The following IL1RAPL1 variants were observed in gnomAD, a reference collection of about 807,000 sequenced individuals.
IL1RAPL1 encodes interleukin 1 receptor accessory protein like 1.
In IL1RAPL1, 3 loss-of-function variants were observed where a neutral mutation model predicts 48.4. The ratio of observed to expected loss-of-function variants is 0.06; its 90% CI spans 0.03 to 0.16. The LOEUF (loss-of-function observed/expected upper bound fraction) is 0.16. Among genes scored for constraint, IL1RAPL1 ranks in the 10% least tolerant of loss-of-function variants. IL1RAPL1 has a pLI of 1.00. For missense variants in IL1RAPL1, 349 were observed against 530.6 expected, an observed-to-expected ratio of 0.66 and a Z score of 3.36; for synonymous variants, 185 against 187.7, an observed-to-expected ratio of 0.99 and a Z score of 0.12.
chrX:29,460,274 A>G (rs1454949765), intron 5 of IL1RAPL1, among the ~76,000 whole-genome samples: 3 of 112,323 alleles, frequency 2.7e-5, no homozygotes, highest in African/African-American at 9.7e-5. Flanking sequence ...TTTAAGTAGC[A>G]GAATCAGCTC....
At chrX:29,458,668 A>G (rs773083394) in intron 5 of IL1RAPL1, among the ~76,000 whole-genome samples, 2 of 111,445 alleles carry the variant, frequency 1.8e-5, no homozygotes, top group Non-Finnish European at 3.8e-5. Context: ...ATGCAGATAT[A>G]ATAATTAGCC....
chrX:29,180,643 G>A (rs892886600), intron 2 of IL1RAPL1, among the ~76,000 whole-genome samples: 6 of 111,027 alleles, frequency 5.4e-5, no homozygotes, highest in African/African-American at 2.0e-4. Flanking sequence ...TCCCGAAATG[G>A]TGGGATTACA....
intron 2 of IL1RAPL1, among the ~76,000 whole-genome samples, chrX:29,243,129 TTC>T (rs1192037885): frequency 8.9e-6 from 1 of 112,304 alleles, no homozygotes; most frequent in Non-Finnish European, 1.9e-5. Flanking sequence ...TCTCCAGTCT[TTC>T]TGTTTAGGCT....
At chrX:28,631,091 C>T (rs73630067) in intron 1 of IL1RAPL1, among the ~76,000 whole-genome samples, 9,206 of 111,409 alleles carry the variant, frequency 0.083, 306 homozygotes, top group African/African-American at 0.13. Context: ...GGGTATGTCA[C>T]TGAGCTAGAC....
chrX:29,753,021 A>G (rs763522458), intron 6 of IL1RAPL1, among the ~76,000 whole-genome samples: 169 of 112,010 alleles, frequency 1.5e-3, no homozygotes, highest in African/African-American at 5.4e-3. Flanking sequence ...TACCTAGTCT[A>G]AATCAAAGTG....
chrX:28,795,791 T>A (rs185350799), intron 2 of IL1RAPL1, among the ~76,000 whole-genome samples: 1 of 110,987 alleles, frequency 9.0e-6, no homozygotes, highest in Admixed American at 9.6e-5. Flanking sequence ...TATATTGTTC[T>A]ATGTATTTGA....
chrX:28,992,486 T>A (rs1925627820), intron 2 of IL1RAPL1, among the ~76,000 whole-genome samples: 1 of 71,264 alleles, frequency 1.4e-5, no homozygotes, highest in Non-Finnish European at 2.5e-5. Flanking sequence ...CGAGACTCTG[T>A]CTCAAAAAAA....
intron 1 of IL1RAPL1, among the ~76,000 whole-genome samples, chrX:28,767,109 A>G (rs1297571384): frequency 9.0e-6 from 1 of 110,643 alleles, no homozygotes; most frequent in Non-Finnish European, 1.9e-5. Context: ...TTTTTTAGGA[A>G]CCTCCAAACT....
chrX:29,802,783 GTGTGTGTGTATATATATATA>G (rs1929965848), intron 6 of IL1RAPL1, among the ~76,000 whole-genome samples: 1 of 19,293 alleles, frequency 5.2e-5, no homozygotes, highest in African/African-American at 2.0e-4. Context: ...ATATATATAT[GTGTGTGTGTATATATATATA>G]TATATATGTG....
At chrX:28,974,232 C>T (rs1338170602) in intron 2 of IL1RAPL1, among the ~76,000 whole-genome samples, 1 of 111,564 alleles carries the variant, frequency 9.0e-6, no homozygotes, top group Non-Finnish European at 1.9e-5. Context: ...TTCTCTTTGA[C>T]ATATGAAAAA....
chrX:29,362,685 C>A (rs998486251), intron 3 of IL1RAPL1, among the ~76,000 whole-genome samples: 1 of 111,807 alleles, frequency 8.9e-6, no homozygotes, highest in Non-Finnish European at 1.9e-5. Flanking sequence ...GTGACCACAG[C>A]ATCAGAAAAC....
intron 2 of IL1RAPL1, among the ~76,000 whole-genome samples, chrX:28,947,153 T>G (rs1393835515): frequency 9.0e-6 from 1 of 111,640 alleles, no homozygotes; most frequent in African/African-American, 3.3e-5. Context: ...ACTCGAAGTT[T>G]GTGTGATGAG....
intron 6 of IL1RAPL1, among the ~76,000 whole-genome samples, chrX:29,744,652 A>G (rs905826337): frequency 2.7e-5 from 3 of 112,353 alleles, no homozygotes; most frequent in African/African-American, 9.7e-5. Context: ...GAATTGGCCA[A>G]TGCAGATTTC....
intron 2 of IL1RAPL1, among the ~76,000 whole-genome samples, chrX:29,225,467 G>A (rs1255887275): frequency 3.6e-5 from 4 of 111,844 alleles, no homozygotes; most frequent in Non-Finnish European, 5.6e-5. Flanking sequence ...CTGCAAATTC[G>A]GATTCAGACA....
In IL1RAPL1 at chrX:29,122,409, T is replaced by TCTCTCA. The variant is rs60632925; in HGVS notation, c.83-160528_83-160527insTCTCAC. Among the ~76,000 whole-genome samples, 21 of 64,590 alleles carry TCTCTCA rather than the reference T, an allele frequency of 3.3e-4. 1 individual carries two copies. In the South Asian group the frequency reaches 9.1e-3, roughly 28 times the overall value. 56.1% of individuals were successfully genotyped at this position (64,590 alleles called of 115,157 possible). On this transcript the variant is annotated intron_variant, in intron 2 of 10. Coordinates refer to ENST00000378993, the MANE Select transcript of IL1RAPL1 (RefSeq NM_014271.4). The stretch of plus-strand genomic sequence containing the variant: ...CTCTCTCTCTCTTTCTCTCTCTCTC[T>TCTCTCA]CACACACACACACACACACACACAC...
intron 5 of IL1RAPL1, among the ~76,000 whole-genome samples, chrX:29,420,002 T>G (rs781444717): frequency 1.1e-4 from 12 of 111,944 alleles, no homozygotes; most frequent in African/African-American, 3.6e-4. Context: ...ATGTCATTTC[T>G]GAGCCAATGT....
intron 5 of IL1RAPL1, among the ~76,000 whole-genome samples, chrX:29,576,720 A>T (rs945678466): frequency 5.9e-4 from 66 of 111,407 alleles, no homozygotes; most frequent in African/African-American, 2.0e-3. Flanking sequence ...GTGAAAATCA[A>T]TATTTTCACT....
chrX:29,115,245 T>A (rs1281470578), intron 2 of IL1RAPL1, among the ~76,000 whole-genome samples: 1 of 111,969 alleles, frequency 8.9e-6, no homozygotes, highest in Non-Finnish European at 1.9e-5. Context: ...CTGTTTCATA[T>A]GTGCTTAAGA....
chrX:28,839,351 C>T (rs918675534), intron 2 of IL1RAPL1, among the ~76,000 whole-genome samples: 3 of 109,894 alleles, frequency 2.7e-5, no homozygotes, highest in African/African-American at 9.9e-5. Context: ...TTAATATTAC[C>T]TATGTTTTTT....
Sources: gnomAD v4.1 joint callset for allele counts (sites outside exome capture counted in the v4.1 genomes callset) on GRCh38, gnomAD v4.1.1 for gene constraint, MANE v1.5 for transcripts, NCBI Gene and HGNC (gene_info 2026-07-23, HGNC 2026-07-21) for gene names.